CLEC16A: variants seen among roughly 807,000 people sequenced by gnomAD.
CLEC16A encodes protein CLEC16A.
Under a neutral mutation model 109.5 loss-of-function variants are expected in CLEC16A, and 51 were observed. That is an observed-to-expected ratio of 0.47 (90% confidence interval 0.37 to 0.59). The LOEUF is 0.59. Among genes scored for constraint, CLEC16A ranks in the 20% least tolerant of loss-of-function variants. The probability of loss-of-function intolerance (pLI) is 0.00; values close to 1 mark genes in which losing one functional copy is unlikely to be tolerated. For missense variants in CLEC16A, 1,339 were observed against 1,394.0 expected (o/e 0.96, Z 0.63); for synonymous variants, 673 against 564.2 (o/e 1.19, Z -2.73).
Position 11,106,998 on chromosome 16 carries a change from A to G in CLEC16A, c.2117-13617A>G, listed in dbSNP as rs185710835. 4.1e-3 allele frequency among the ~76,000 whole-genome samples: 621 copies of G among 152,118 alleles called. 2 individuals are homozygous for G. Among genetic ancestry groups the G allele is most frequent in the African/African-American group, 0.014 (587 of 41,498 alleles). On this transcript the variant is annotated intron_variant, in intron 19 of 23. Coordinates refer to ENST00000409790, the MANE Select transcript of CLEC16A (RefSeq NM_015226.3). The stretch of plus-strand genomic sequence containing the variant: ...AAGTGGAGCTGGAATGTGTTAGGAG[A>G]ACACAAGAGTTTTCTTAACAGTGCT...
rs112049409 is a variant in CLEC16A at position 11,178,207 on chromosome 16, C to T, written c.2807-128C>T. On this transcript the variant is annotated intron_variant, in intron 23 of 23. Coordinates refer to ENST00000409790, the MANE Select transcript of CLEC16A (RefSeq NM_015226.3). This position sits in a 1 kb window ranked among gnomAD's most constrained non-coding sequence, Gnocchi z 6.5. ...AAGGAGTGAGTGGAGCCACGCTGAG[C>T]CCTCACGCCAGCCAGCCACCTCCCA... 2.4e-4 allele frequency: 186 copies of T among 763,904 alleles called. No homozygotes were observed. The African/African-American group carries it at 2.8e-3, about 12-fold the overall frequency. 47.3% of individuals were successfully genotyped at this position (763,904 alleles called of 1,614,324 possible). A position where few individuals can be genotyped will look rare whatever the true frequency, so the allele number is the denominator to read the frequency against.
At chr16:10,999,055 T>TA (rs2044503466) in intron 10 of CLEC16A, among the ~76,000 whole-genome samples, 1 of 152,230 alleles carries the variant, frequency 6.6e-6, no homozygotes, top group Admixed American at 6.5e-5. Context: ...AAATAGTCCT[T>TA]AGTCCCAATG....
chr16:11,111,049 A>G (rs2051551751), intron 19 of CLEC16A, among the ~76,000 whole-genome samples: 2 of 151,934 alleles, frequency 1.3e-5, no homozygotes, highest in South Asian at 4.2e-4. Flanking sequence ...CAAAACAGCC[A>G]ATCCTGAGTT....
At chr16:11,022,973 T>C (rs1215862459) in intron 12 of CLEC16A, among the ~76,000 whole-genome samples, 3 of 149,816 alleles carry the variant, frequency 2.0e-5, no homozygotes, top group Non-Finnish European at 4.4e-5. Context: ...TCGTTTCTTT[T>C]CTTAAAAAAA....
At chr16:10,991,919 G>A (rs2044040795) in intron 10 of CLEC16A, among the ~76,000 whole-genome samples, 1 of 152,198 alleles carries the variant, frequency 6.6e-6, no homozygotes. Flanking sequence ...GGTGGTGTGA[G>A]TCATTCGTTT....
intron 19 of CLEC16A, among the ~76,000 whole-genome samples, chr16:11,105,006 C>T (rs939939009): frequency 5.9e-5 from 9 of 152,216 alleles, no homozygotes; most frequent in African/African-American, 2.2e-4. Flanking sequence ...GTGACTTTAT[C>T]TGGCTGCATA....
intron 1 of CLEC16A, 44 bp downstream of exon 1, chr16:10,944,841 G>A: frequency 6.6e-7 from 1 of 1,522,718 alleles, no homozygotes; most frequent in Non-Finnish European, 9.0e-7. Context: ...GCTGGACAGG[G>A]GGACGGGGCG....
intron 9 of CLEC16A, among the ~76,000 whole-genome samples, chr16:10,980,160 G>A (rs1406364464): frequency 6.6e-6 from 1 of 152,176 alleles, no homozygotes; most frequent in Non-Finnish European, 1.5e-5. Flanking sequence ...TTGATCCCCA[G>A]CTGTTTTGAA....
At chr16:11,117,366 C>A (rs1423845784) in intron 19 of CLEC16A, among the ~76,000 whole-genome samples, 1 of 152,322 alleles carries the variant, frequency 6.6e-6, no homozygotes, top group African/African-American at 2.4e-5. Flanking sequence ...CTACCCTCTT[C>A]TAATCAGAGG....
At chr16:11,102,500 C>T (rs2050977644) in intron 19 of CLEC16A, among the ~76,000 whole-genome samples, 1 of 152,260 alleles carries the variant, frequency 6.6e-6, no homozygotes, top group Non-Finnish European at 1.5e-5. Flanking sequence ...GGTAAGCATT[C>T]ACTCTGTGAA....
chr16:11,042,401 G>A (rs1255940748), intron 15 of CLEC16A, 38 bp downstream of exon 15: 2 of 1,484,582 alleles, frequency 1.3e-6, no homozygotes, highest in Non-Finnish European at 1.8e-6. Flanking sequence ...GTGGGCCAAG[G>A]GAGAGGGACA....
At chr16:10,972,394 T>C in intron 5 of CLEC16A, 160 bp from the exon 6 acceptor site, 1 of 641,458 alleles carries the variant, frequency 1.6e-6, no homozygotes, top group African/African-American at 1.8e-5. Flanking sequence ...TGCTCTGTTT[T>C]CTCCTGTCTC....
At chr16:11,046,951 G>A (rs1021268990) in intron 16 of CLEC16A, among the ~76,000 whole-genome samples, 4 of 152,078 alleles carry the variant, frequency 2.6e-5, no homozygotes, top group African/African-American at 4.8e-5. Context: ...AGCCGTTCTC[G>A]ACAAAATAGA....
intron 22 of CLEC16A, among the ~76,000 whole-genome samples, chr16:11,152,512 G>T (rs1403665971): frequency 6.6e-6 from 1 of 152,252 alleles, no homozygotes; most frequent in Non-Finnish European, 1.5e-5. Context: ...GCTGGTCCAG[G>T]ACATTGACAT....
At chr16:11,038,732 G>A (rs77598541) in intron 13 of CLEC16A, among the ~76,000 whole-genome samples, 1 of 152,114 alleles carries the variant, frequency 6.6e-6, no homozygotes, top group African/African-American at 2.4e-5. Context: ...GATCTCTGCT[G>A]TATTGGTGTC....
At chr16:10,949,308 A>G (rs1486994236) in intron 1 of CLEC16A, among the ~76,000 whole-genome samples, 3 of 152,126 alleles carry the variant, frequency 2.0e-5, no homozygotes, top group Non-Finnish European at 2.9e-5. Context: ...GGCTCCCACT[A>G]TGTCACGTCT....
chr16:11,156,917 G>GCCCCCCCCCCCCCCCCC (rs60216625), intron 22 of CLEC16A, among the ~76,000 whole-genome samples: 1 of 77,306 alleles, frequency 1.3e-5, no homozygotes, highest in African/African-American at 4.8e-5. Flanking sequence ...CCAAATGCCC[G>GCCCCCCCCCCCCCCCCC]CCCCCCCCCC....
chr16:11,108,876 C>T (rs867281400), intron 19 of CLEC16A, among the ~76,000 whole-genome samples: 4 of 151,896 alleles, frequency 2.6e-5, no homozygotes, highest in South Asian at 2.1e-4. Flanking sequence ...TTTGGGAGGC[C>T]GAGGCGGGCG....
At chr16:11,146,051 C>T (rs569044768) in intron 22 of CLEC16A, among the ~76,000 whole-genome samples, 2 of 152,208 alleles carry the variant, frequency 1.3e-5, no homozygotes, top group Non-Finnish European at 2.9e-5. Flanking sequence ...AGGGCCCTGA[C>T]CTGGGTGGCC....
Sources: gnomAD v4.1 joint callset for allele counts (sites outside exome capture counted in the v4.1 genomes callset) on GRCh38, gnomAD v4.1.1 for gene constraint, Gnocchi (gnomAD v3.1) non-coding constraint, MANE v1.5 for transcripts, NCBI Gene and HGNC (gene_info 2026-07-23, HGNC 2026-07-21) for gene names.